The following MX2 variants were observed in gnomAD, a reference collection of about 807,000 sequenced individuals.
The protein encoded by MX2 is MX dynamin like GTPase 2, also known as interferon-induced GTP-binding protein Mx2.
MX2 carries 51 observed loss-of-function variants against 74.0 expected under a neutral mutation model. The observed-to-expected ratio is 0.69, with a 90% CI of 0.55 to 0.87. The LOEUF is 0.87. MX2 is among the 40% of genes least tolerant of loss of function. The pLI, the probability that MX2 is intolerant of heterozygous loss-of-function variation, is 0.00. For missense variants in MX2, 832 were observed against 908.7 expected, an observed-to-expected ratio of 0.92 and a Z score of 1.09; for synonymous variants, 369 against 339.3, an observed-to-expected ratio of 1.09 and a Z score of -0.96.
In MX2 at chr21:41,402,035, G is replaced by C; in HGVS notation, c.1480G>C (p.Gly494Arg). ...GCAGTATCGAGGCAAGGAGCTTCTG[G>C]GATTTGTCAACTACAAGACATTTGA... ...EKQYRGKELLGFVNYKTFEII... is the reference protein window; with the variant it reads ...EKQYRGKELLRFVNYKTFEII... The change falls in exon 11 of 14, where the codon GGA becomes CGA. Residue 494 changes from glycine (G) to arginine (R), a missense_variant. Coordinates refer to ENST00000330714, the MANE Select transcript of MX2 (RefSeq NM_002463.2). The surrounding 1 kb of genome is among the most constrained non-coding windows in gnomAD (Gnocchi z 4.5). The C allele has an allele frequency of 6.2e-7, 1 of 1,614,120 alleles. No homozygotes were observed. Among genetic ancestry groups the C allele is most frequent in the Non-Finnish European group, 8.5e-7 (1 of 1,180,022 alleles).
intron 6 of MX2, among the ~76,000 whole-genome samples, chr21:41,393,127 A>G (rs375177466): frequency 0.046 from 6,535 of 141,972 alleles, 155 homozygotes; most frequent in Middle Eastern, 0.11. Flanking sequence ...AAAAAAAAAA[A>G]AAAAGAAAGA....
rs376837285 is a variant in MX2, at chr21:41,408,394, C to A, written c.*161C>A. ...CATCAGAGCATGCATCAGGGGTCCA[C>A]ACAGGCTCAGCTCTCTCCACCACCC... On this transcript the variant is annotated 3_prime_UTR_variant, in exon 14 of 14. Coordinates refer to ENST00000330714, the MANE Select transcript of MX2 (RefSeq NM_002463.2). The A allele has an allele frequency of 1.1e-4, 112 of 991,000 alleles. No individual in the cohort carries two copies. In the African/African-American group the frequency reaches 1.8e-3, roughly 16 times the overall value. The allele number at this position is 991,000 out of a possible 1,614,324, so 61.4% of individuals were successfully genotyped here.
chr21:41,401,519 A>G (rs920974482), intron 10 of MX2: 11 of 154,604 alleles, frequency 7.1e-5, no homozygotes, highest in Admixed American at 7.0e-4. Context: ...GACTAAAGGC[A>G]CATACCACCA....
chr21:41,390,259 C>G (rs1187852750), intron 5 of MX2: 1 of 343,990 alleles, frequency 2.9e-6, no homozygotes, highest in Non-Finnish European at 5.7e-6. Flanking sequence ...AAGGCAGGAT[C>G]TCCAAGGCAT....
Position 41,380,201 on chromosome 21 carries a change from T to C in MX2, c.577+50T>C, listed in dbSNP as rs1309399450. The C allele has an allele frequency of 6.2e-7, 1 of 1,606,754 alleles. No homozygotes were observed. The highest frequency in any genetic ancestry group is 8.5e-7 in the Non-Finnish European group (1 of 1,175,566). On this transcript the variant is annotated intron_variant, in intron 4 of 13. Coordinates refer to ENST00000330714, the MANE Select transcript of MX2 (RefSeq NM_002463.2). This position sits in a 1 kb window ranked among gnomAD's most constrained non-coding sequence, Gnocchi z 4.3. ...CGGATCTGGCAGCCGCTCCTCTCAC[T>C]TCCTCGGTTCCTTCTCCTCTTCCTC...
rs954333818 is a variant in MX2 at position 41,377,796 on chromosome 21, A to G, written c.257A>G (p.Glu86Gly). Residue 86 changes from glutamate (E) to glycine (G), a missense_variant, in exon 3 of 14, where the codon GAG becomes GGG. Transcript: ENST00000330714. The stretch of plus-strand genomic sequence containing the variant: ...CTGTTCTGCCTTCTCCAGGGGCCCG[A>G]GAACAACCTGTACAGCCAGTACGAG... Reference protein sequence around the residue: ...NRSQPRAMGPENNLYSQYEQK... With the variant: ...NRSQPRAMGPGNNLYSQYEQK... 1 of 1,609,684 alleles carries G rather than the reference A, an allele frequency of 6.2e-7. No homozygotes were observed. Among genetic ancestry groups the G allele is most frequent in the African/African-American group, 1.3e-5 (1 of 74,846 alleles).
intron 1 of MX2, among the ~76,000 whole-genome samples, chr21:41,371,616 T>C (rs1035629253): frequency 6.6e-6 from 1 of 152,172 alleles, no homozygotes; most frequent in African/African-American, 2.4e-5. Context: ...TTACTCCTGG[T>C]CATGTACAGC....
intron 1 of MX2, chr21:41,372,785 A>G (rs569765817): frequency 2.9e-4 from 44 of 152,368 alleles, no homozygotes; most frequent in African/African-American, 1.1e-3. Context: ...TTACTGTTTT[A>G]TCTCTTAAAA....
chr21:41,386,650 G>A (rs1303480558), intron 5 of MX2, among the ~76,000 whole-genome samples: 1 of 152,176 alleles, frequency 6.6e-6, no homozygotes, highest in Non-Finnish European at 1.5e-5. Context: ...GAGCCCCAGG[G>A]TCCTGCCCTA....
chr21:41,399,105 T>A, intron 9 of MX2, 86 bp downstream of exon 9: 2 of 1,595,310 alleles, frequency 1.3e-6, no homozygotes, highest in Non-Finnish European at 1.7e-6. Flanking sequence ...ACCCATGAGA[T>A]GAGGTGGGCG....
rs2089910038 is a variant in MX2, at chr21:41,408,078, A to G, written c.1993A>G (p.Met665Val). The G allele has an allele frequency of 6.2e-7, 1 of 1,614,226 alleles. No individual in the cohort carries two copies. Among genetic ancestry groups the G allele is most frequent in the South Asian group, 1.1e-5 (1 of 91,088 alleles). The change falls in exon 14 of 14, where the codon ATG (methionine) becomes GTG (valine). Residue 665 changes from methionine to valine, a missense_variant. Coordinates refer to ENST00000330714, the MANE Select transcript of MX2 (RefSeq NM_002463.2). ...GAATGGTGACTCCTTGCAGAAAGCC[A>G]TGATGCAGATACTACAGGAAAAAAA... ...RENGDSLQKA[M>V]MQILQEKNRY...
At position 41,406,950 on chromosome 21, in the gene MX2, G is replaced by C; in HGVS notation, c.1857G>C (p.Ser619=). The C allele has an allele frequency of 6.2e-7, 1 of 1,613,862 alleles. No individual in the cohort carries two copies. The highest frequency in any genetic ancestry group is 8.5e-7 in the Non-Finnish European group (1 of 1,179,798). Residue 619 remains serine (S), a synonymous_variant, in exon 13 of 14, where the codon TCG becomes TCC. Transcript: ENST00000330714. ...LNSHFPSNES[S]VSSFTEIGIH... is the part of the protein sequence containing the mutation. The stretch of plus-strand genomic sequence containing the variant: ...CTCATTTTCCCAGTAATGAGTCTTC[G>C]GTTTCCTCCTTTACTGAAATAGGCA...
chr21:41,387,061 C>T (rs759481915), intron 5 of MX2, among the ~76,000 whole-genome samples: 41 of 152,318 alleles, frequency 2.7e-4, no homozygotes, highest in African/African-American at 9.4e-4. Flanking sequence ...GCTTCCTGCA[C>T]GCAATCGTGT....
chr21:41,404,967 C>G (rs927270337), intron 12 of MX2: 1 of 151,374 alleles, frequency 6.6e-6, no homozygotes, highest in African/African-American at 2.4e-5. Context: ...CACTCTCTCA[C>G]TCTCAAGCCA....
At chr21:41,378,845 G>A (rs544903123) in intron 3 of MX2, among the ~76,000 whole-genome samples, 6 of 152,164 alleles carry the variant, frequency 3.9e-5, no homozygotes, top group Non-Finnish European at 7.4e-5. Context: ...CAGGTGCAGC[G>A]GCAGCAGAGA....
At chr21:41,369,430 G>A (rs2089296305) in intron 1 of MX2, among the ~76,000 whole-genome samples, 1 of 152,188 alleles carries the variant, frequency 6.6e-6, no homozygotes, top group African/African-American at 2.4e-5. Context: ...CTGAGACAGA[G>A]GGTCCTAGTG....
chr21:41,403,931 C>T (rs2089850668), intron 12 of MX2: 1 of 250,270 alleles, frequency 4.0e-6, no homozygotes, highest in Non-Finnish European at 8.1e-6. Context: ...TCTTCTTTCA[C>T]CCTTTTTGCC....
At chr21:41,373,343 G>A (rs966702305) in intron 1 of MX2, among the ~76,000 whole-genome samples, 12 of 152,158 alleles carry the variant, frequency 7.9e-5, no homozygotes, top group Non-Finnish European at 1.6e-4. Context: ...CAGGAGCCCC[G>A]GCTGTCACCA....
In MX2 at chr21:41,399,179, C is replaced by G; in HGVS notation, c.1273-17C>G. On this transcript the variant is annotated splice_polypyrimidine_tract_variant and intron_variant, in intron 9 of 13. Transcript: ENST00000330714. ...ATATGATTTCCGCAAAGACTATTGA[C>G]TTTATATCATTTTCAGAAAATCAAG... The G allele has an allele frequency of 6.2e-7, 1 of 1,612,940 alleles. No homozygotes were observed.
Sources: gnomAD v4.1 joint callset for allele counts (sites outside exome capture counted in the v4.1 genomes callset) on GRCh38, gnomAD v4.1.1 for gene constraint, Gnocchi (gnomAD v3.1) non-coding constraint, MANE v1.5 for transcripts, NCBI Gene and HGNC (gene_info 2026-07-23, HGNC 2026-07-21) for gene names.